The following CSMD1 variants were observed in gnomAD, a reference collection of about 807,000 sequenced individuals.
The protein encoded by CSMD1 is CUB and sushi domain-containing protein 1.
In CSMD1, 213 loss-of-function variants were observed where a neutral mutation model predicts 417.5. The observed-to-expected ratio is 0.51, with a 90% CI of 0.46 to 0.57. The LOEUF is 0.57. Ranked by LOEUF, CSMD1 falls within the 20% of genes least tolerant of loss-of-function variation. The pLI, the probability that CSMD1 is intolerant of heterozygous loss-of-function variation, is 0.00. For missense variants in CSMD1, 6,923 were observed against 4,529.7 expected (o/e 1.53, Z -15.17); for synonymous variants, 2,862 against 1,736.8 (o/e 1.65, Z -16.11).
intron 3 of CSMD1, among the ~76,000 whole-genome samples, chr8:4,405,009 G>C (rs1301158005): frequency 2.0e-5 from 3 of 152,214 alleles, no homozygotes; most frequent in South Asian, 2.1e-4. Flanking sequence ...TAAAAGCTAA[G>C]TAATAAAACT....
chr8:3,133,066 T>C (rs908805135), intron 41 of CSMD1, among the ~76,000 whole-genome samples: 3 of 152,206 alleles, frequency 2.0e-5, no homozygotes, highest in Admixed American at 6.5e-5. Flanking sequence ...AAAAGGCGTA[T>C]TAGCCCAGCT....
chr8:4,879,222 A>T (rs757959043), intron 1 of CSMD1, among the ~76,000 whole-genome samples: 21 of 152,086 alleles, frequency 1.4e-4, no homozygotes, highest in Non-Finnish European at 2.5e-4. Flanking sequence ...CGTTTCATGA[A>T]CAGGGACAAG....
chr8:3,647,532 ATATAG>A (rs1254033981), intron 7 of CSMD1, among the ~76,000 whole-genome samples: 3 of 152,214 alleles, frequency 2.0e-5, no homozygotes, highest in Non-Finnish European at 2.9e-5. Flanking sequence ...ATAAAGAGAA[ATATAG>A]TATAGAGACA....
intron 7 of CSMD1, among the ~76,000 whole-genome samples, chr8:3,654,075 A>G (rs1460400260): frequency 6.6e-6 from 1 of 152,122 alleles, no homozygotes; most frequent in African/African-American, 2.4e-5. Context: ...CACTGTAATA[A>G]CGTCTCTTTT....
At chr8:3,929,038 C>G (rs188182867) in intron 5 of CSMD1, among the ~76,000 whole-genome samples, 10 of 150,462 alleles carry the variant, frequency 6.6e-5, no homozygotes, top group African/African-American at 2.2e-4. Context: ...TCAGGGCCAT[C>G]AGCATTGCCA....
chr8:4,585,432 C>T (rs1468059316), intron 2 of CSMD1, among the ~76,000 whole-genome samples: 5 of 151,876 alleles, frequency 3.3e-5, no homozygotes, highest in Non-Finnish European at 5.9e-5. Flanking sequence ...TGTCACAAAA[C>T]GTGGAATATG....
chr8:4,425,352 GA>G (rs969737408), intron 2 of CSMD1, among the ~76,000 whole-genome samples: 13 of 141,472 alleles, frequency 9.2e-5, no homozygotes, highest in African/African-American at 3.4e-4. Context: ...TAGCTGCAAT[GA>G]AATGGATTCA....
Position 4,722,949 on chromosome 8 carries a change from T to C in CSMD1, c.86-85391A>G, listed in dbSNP as rs185420141. On this transcript the variant is annotated intron_variant, in intron 1 of 69. Transcript: ENST00000635120. ...CTGATCTTTTCAGATCTAAGCTCGG[T>C]GGGGTTTCAGCTTAGAGTGCTAAGG... Among the ~76,000 whole-genome samples, 340 of 152,260 alleles carry C rather than the reference T, an allele frequency of 2.2e-3. 5 individuals are homozygous for C. Among genetic ancestry groups the C allele is most frequent in the African/African-American group, 8.0e-3 (333 of 41,550 alleles).
chr8:3,818,635 C>A (rs564574048), intron 5 of CSMD1, among the ~76,000 whole-genome samples: 1 of 152,150 alleles, frequency 6.6e-6, no homozygotes, highest in Admixed American at 6.5e-5. Context: ...GTCCCCACAG[C>A]AAGGGATGCC....
chr8:4,324,796 G>T (rs1222469801), intron 3 of CSMD1, among the ~76,000 whole-genome samples: 1 of 152,144 alleles, frequency 6.6e-6, no homozygotes, highest in South Asian at 2.1e-4. Context: ...TTTACCTAGC[G>T]CCTGCTTCCC....
intron 1 of CSMD1, among the ~76,000 whole-genome samples, chr8:4,653,076 G>A (rs1023682195): frequency 6.6e-6 from 1 of 152,056 alleles, no homozygotes. Context: ...CCGCTCTAGA[G>A]GATGTGTTTA....
chr8:4,173,754 T>A (rs1419965919), intron 3 of CSMD1, among the ~76,000 whole-genome samples: 1 of 152,012 alleles, frequency 6.6e-6, no homozygotes, highest in African/African-American at 2.4e-5. Context: ...AAACTTATTT[T>A]CAATATTAAA....
chr8:3,484,475 G>A (rs926342423), intron 11 of CSMD1, among the ~76,000 whole-genome samples: 1 of 152,184 alleles, frequency 6.6e-6, no homozygotes, highest in African/African-American at 2.4e-5. Flanking sequence ...ATGTAAAACT[G>A]TAAAACTTTT....
intron 57 of CSMD1, among the ~76,000 whole-genome samples, chr8:2,970,831 T>G (rs1804397207): frequency 6.6e-6 from 1 of 152,242 alleles, no homozygotes; most frequent in Non-Finnish European, 1.5e-5. Context: ...GAAATTTTAC[T>G]ATGGAAATTG....
chr8:3,709,407 G>A (rs1274661027), intron 6 of CSMD1, among the ~76,000 whole-genome samples: 2 of 152,106 alleles, frequency 1.3e-5, no homozygotes, highest in African/African-American at 4.8e-5. Flanking sequence ...GTGACTCTAT[G>A]TGTAAATAGC....
chr8:3,814,006 G>C (rs1268225655), intron 5 of CSMD1, among the ~76,000 whole-genome samples: 1 of 152,160 alleles, frequency 6.6e-6, no homozygotes, highest in African/African-American at 2.4e-5. Context: ...CCGTTCAACA[G>C]ATTAATGCAA....
In CSMD1 at chr8:4,290,112, C is replaced by T. The variant is rs115191506; in HGVS notation, c.415+129841G>A. Among the ~76,000 whole-genome samples, 287 of 152,224 alleles carry T rather than the reference C, an allele frequency of 1.9e-3. 2 individuals are homozygous for T. The highest frequency in any genetic ancestry group is 6.6e-3 in the African/African-American group (274 of 41,534). On this transcript the variant is annotated intron_variant, in intron 3 of 69. Coordinates refer to ENST00000635120, the MANE Select transcript of CSMD1 (RefSeq NM_033225.6). ...CATACAGATGTGCAACAAAACCAAA[C>T]GGAATCAAATACAAACAGGCAGGGA...
At chr8:4,057,521 G>A (rs973289453) in intron 3 of CSMD1, among the ~76,000 whole-genome samples, 3 of 152,096 alleles carry the variant, frequency 2.0e-5, no homozygotes, top group African/African-American at 4.8e-5. Context: ...TTGCTGTGCA[G>A]AAGCTCTTTA....
intron 3 of CSMD1, among the ~76,000 whole-genome samples, chr8:4,328,895 T>A (rs1799706991): frequency 6.6e-6 from 1 of 152,208 alleles, no homozygotes. Flanking sequence ...TAACATTCAT[T>A]TGTATATATT....
Sources: allele counts gnomAD v4.1 joint callset (sites outside exome capture counted in the v4.1 genomes callset), GRCh38; gene constraint gnomAD v4.1.1; transcripts MANE v1.5; gene names NCBI Gene and HGNC (gene_info 2026-07-23, HGNC 2026-07-21).